Variants in SZT2 observed in about 807,000 individuals in gnomAD.
SZT2 encodes the protein SZT2 subunit of KICSTOR complex.
SZT2 carries 216 observed loss-of-function variants against 404.2 expected under a neutral mutation model. The observed-to-expected ratio is 0.53, with a 90% CI of 0.48 to 0.60. The LOEUF (loss-of-function observed/expected upper bound fraction) is 0.60. SZT2 is among the 20% of genes least tolerant of loss of function. SZT2 has a pLI of 0.00. For missense variants in SZT2, 3,857 were observed against 4,459.2 expected, an observed-to-expected ratio of 0.86 and a Z score of 3.85; for synonymous variants, 1,693 against 1,749.9, an observed-to-expected ratio of 0.97 and a Z score of 0.81.
chr1:43,453,063 T>C lies in SZT2; in HGVS notation c.*2583T>C. On this transcript the variant is annotated 3_prime_UTR_variant, in exon 72 of 72. Coordinates refer to ENST00000634258, the MANE Select transcript of SZT2 (RefSeq NM_001365999.1). Reference sequence around the variant, plus strand: ...CAGCTTTCTCTGATCCAGACAGGGTTAGGTGCCTACCCTGCTCCCACAGCT... The same window carrying C: ...CAGCTTTCTCTGATCCAGACAGGGTCAGGTGCCTACCCTGCTCCCACAGCT... The C allele has an allele frequency of 9.7e-7, 1 of 1,034,468 alleles. No individual in the cohort carries two copies. 64.1% of individuals were successfully genotyped at this position (1,034,468 alleles called of 1,614,324 possible).
chr1:43,442,854 G>A lies in SZT2; in HGVS notation c.8187G>A (p.Val2729=). The stretch of plus-strand genomic sequence containing the variant: ...CATTCCTGCTGCCGACCATGGAAGT[G>A]GAGACCCTCATCCGGAGTGCAAGTC... ...PNPFLLPTME[V]ETLIRSASPP... Residue 2729 remains valine (V), a synonymous_variant, in exon 59 of 72, where the codon GTG becomes GTA. Coordinates refer to ENST00000634258, the MANE Select transcript of SZT2 (RefSeq NM_001365999.1). This position sits in a 1 kb window ranked among gnomAD's most constrained non-coding sequence, Gnocchi z 4.5. 1.2e-6 allele frequency: 2 copies of A among 1,611,692 alleles called. No homozygotes were observed. Among genetic ancestry groups the A allele is most frequent in the Non-Finnish European group, 1.7e-6 (2 of 1,178,644 alleles).
rs748103588 is a variant in SZT2 at position 43,431,667 on chromosome 1, C to T, written c.5089-49C>T. ...CTTCTAGTCCGGGAGTAAGGGGATGCCCAAGGAAGCAAGGGAGATGCCCTT... is the reference window on the plus strand; with the variant it reads ...CTTCTAGTCCGGGAGTAAGGGGATGTCCAAGGAAGCAAGGGAGATGCCCTT... On this transcript the variant is annotated intron_variant, in intron 35 of 71. Coordinates refer to ENST00000634258, the MANE Select transcript of SZT2 (RefSeq NM_001365999.1). The T allele has an allele frequency of 4.4e-6, 7 of 1,605,854 alleles. No individual in the cohort carries two copies. The African/African-American group carries it at 9.4e-5, about 21-fold the overall frequency.
In SZT2 at chr1:43,450,517, G is replaced by C. The variant is rs1350080684; in HGVS notation, c.*37G>C. 1 of 1,612,122 alleles carries C rather than the reference G, an allele frequency of 6.2e-7. No individual in the cohort carries two copies. Among genetic ancestry groups the C allele is most frequent in the Non-Finnish European group, 8.5e-7 (1 of 1,178,870 alleles). On this transcript the variant is annotated 3_prime_UTR_variant, in exon 72 of 72. Transcript: ENST00000634258. The surrounding 1 kb of genome is among the most constrained non-coding windows in gnomAD (Gnocchi z 4.3). Reference sequence around the variant, plus strand: ...GGACCACTGAATGTCACTGTTCCTTGAATCATGGGCCTACCAGATTGCCTG... The same window carrying C: ...GGACCACTGAATGTCACTGTTCCTTCAATCATGGGCCTACCAGATTGCCTG...
At position 43,443,686 on chromosome 1, in the gene SZT2, G is replaced by A. The variant is rs1345421804; in HGVS notation, c.8715G>A (p.Glu2905=). ...ATGTGTCGCCCCCGGGAGCCCGTGA[G>A]GAGCCTTGGCTGAAGGAGCTGAGCT... is the stretch of plus-strand genomic sequence containing the variant. ...SLDVSPPGAR[E]EPWLKELSLA... The change falls in exon 62 of 72, where the codon GAG becomes GAA. Residue 2905 remains glutamate, a synonymous_variant. Coordinates refer to ENST00000634258, the MANE Select transcript of SZT2 (RefSeq NM_001365999.1). 1 of 1,614,228 alleles carries A rather than the reference G, an allele frequency of 6.2e-7. No individual in the cohort carries two copies.
rs1288282754 is a variant in SZT2 at position 43,447,768 on chromosome 1, G to A, written c.9440+70G>A. 27 of 1,610,640 alleles carry A rather than the reference G, an allele frequency of 1.7e-5. No individual in the cohort carries two copies. The Middle Eastern group carries it at 6.6e-4, about 39-fold the overall frequency. ...GGTTGGGACATACTTGCAGTAGGGA[G>A]ACCAATGTTTTCTTGGGCAGGGGTG... On this transcript the variant is annotated intron_variant, in intron 67 of 71. Coordinates refer to ENST00000634258, the MANE Select transcript of SZT2 (RefSeq NM_001365999.1).
chr1:43,416,260 G>A (rs1651708079), intron 6 of SZT2, among the ~76,000 whole-genome samples, 159 bp downstream of exon 6: 1 of 152,124 alleles, frequency 6.6e-6, no homozygotes, highest in African/African-American at 2.4e-5. Flanking sequence ...GTGTGTATCA[G>A]GAACCCTCGA....
Position 43,424,916 on chromosome 1 carries a change from G to A in SZT2, c.2550+54G>A. On this transcript the variant is annotated intron_variant, in intron 17 of 71. Coordinates refer to ENST00000634258, the MANE Select transcript of SZT2 (RefSeq NM_001365999.1). This position sits in a 1 kb window ranked among gnomAD's most constrained non-coding sequence, Gnocchi z 4.1. The stretch of plus-strand genomic sequence containing the variant: ...TGCCAAGGTCTGTCATAATCCCAGG[G>A]ACACTCACCTCTGAGCTGGGTTGGG... 1 of 1,577,762 alleles carries A rather than the reference G, an allele frequency of 6.3e-7. No individual in the cohort carries two copies. The highest frequency in any genetic ancestry group is 8.7e-7 in the Non-Finnish European group (1 of 1,147,560).
At chr1:43,408,966 AAG>A (rs1232455441) in intron 4 of SZT2, among the ~76,000 whole-genome samples, 1 of 152,142 alleles carries the variant, frequency 6.6e-6, no homozygotes, top group Admixed American at 6.6e-5. Flanking sequence ...GTGATGGGGA[AAG>A]AGGGGTGAGA....
At chr1:43,413,722 GTTAT>G (rs35533173) in intron 4 of SZT2, among the ~76,000 whole-genome samples, 48,721 of 151,848 alleles carry the variant, frequency 0.32, 8,747 homozygotes, top group Middle Eastern at 0.44. Flanking sequence ...AACTTGGCAT[GTTAT>G]TTATTTGTGA....
At chr1:43,403,404 C>A in intron 2 of SZT2, 102 bp downstream of exon 2, 3 of 1,495,942 alleles carry the variant, frequency 2.0e-6, no homozygotes, top group Non-Finnish European at 1.8e-6. Context: ...ACTCTTAAGT[C>A]TGGTTAGGGC....
At position 43,431,148 on chromosome 1, in the gene SZT2, A is replaced by C; in HGVS notation, c.4916+58A>C. The C allele has an allele frequency of 3.1e-6, 5 of 1,592,430 alleles. No homozygotes were observed. The South Asian group carries it at 5.7e-5, about 18-fold the overall frequency. On this transcript the variant is annotated intron_variant, in intron 33 of 71. Transcript: ENST00000634258. Reference sequence around the variant, plus strand: ...CCTTTTTAGGGTAGGGGGACCACTAAGCGAATCTAGAGCACTTGGGGACTA... The same window carrying C: ...CCTTTTTAGGGTAGGGGGACCACTACGCGAATCTAGAGCACTTGGGGACTA...
chr1:43,416,513 G>C, intron 6 of SZT2, 22 bp from the exon 7 acceptor site: 1 of 1,592,250 alleles, frequency 6.3e-7, no homozygotes, highest in African/African-American at 1.3e-5. Flanking sequence ...CTCCAGGTCT[G>C]ATCTGGTGTT....
intron 4 of SZT2, among the ~76,000 whole-genome samples, chr1:43,407,516 C>CAA (rs34259315): frequency 7.3e-6 from 1 of 137,590 alleles, no homozygotes; most frequent in Non-Finnish European, 1.6e-5. Context: ...ACTCTGTCTC[C>CAA]AAAAAAAAAA....
chr1:43,444,840 G>A (rs1027138067), intron 62 of SZT2, among the ~76,000 whole-genome samples: 2 of 152,126 alleles, frequency 1.3e-5, no homozygotes, highest in African/African-American at 4.8e-5. Flanking sequence ...CTCCAGATTT[G>A]TGAGTTTATC....
At chr1:43,416,698 A>T in intron 7 of SZT2, 57 bp downstream of exon 7, 7 of 1,361,724 alleles carry the variant, frequency 5.1e-6, no homozygotes, top group African/African-American at 1.4e-5. Context: ...CAAAGTTGGG[A>T]TGGCTGATTA....
Position 43,416,270 on chromosome 1 carries a change from A to G in SZT2, c.772+169A>G, listed in dbSNP as rs1999674. On this transcript the variant is annotated intron_variant, in intron 6 of 71. Transcript: ENST00000634258. Reference sequence around the variant, plus strand: ...TATTAGTGTGTATCAGGAACCCTCGACTCTGACAACCATCAGAGACCCTAG... The same window carrying G: ...TATTAGTGTGTATCAGGAACCCTCGGCTCTGACAACCATCAGAGACCCTAG... 0.65 allele frequency among the ~76,000 whole-genome samples: 98,840 copies of G among 151,896 alleles called. 32,319 individuals carry two copies. The highest frequency in any genetic ancestry group is 0.68 in the African/African-American group (28,248 of 41,424).
At chr1:43,392,941 C>T (rs1023192547) in intron 1 of SZT2, among the ~76,000 whole-genome samples, 8 of 152,152 alleles carry the variant, frequency 5.3e-5, no homozygotes, top group African/African-American at 1.9e-4. Context: ...TGCTAAGTAT[C>T]AGGGTGGATA....
At chr1:43,399,753 G>T (rs375011048) in intron 1 of SZT2, among the ~76,000 whole-genome samples, 1 of 151,748 alleles carries the variant, frequency 6.6e-6, no homozygotes, top group Non-Finnish European at 1.5e-5. Flanking sequence ...GAGCCATGGT[G>T]CCCGGCCACC....
Position 43,452,200 on chromosome 1 carries a change from C to T in SZT2, c.*1720C>T, listed in dbSNP as rs763007012. ...TAAGTACGTGTGTGTTTCCACCTTT[C>T]TCACCTGAGCCAAAACCCCAGCTGC... On this transcript the variant is annotated 3_prime_UTR_variant, in exon 72 of 72. Coordinates refer to ENST00000634258, the MANE Select transcript of SZT2 (RefSeq NM_001365999.1). 64 of 1,609,210 alleles carry T rather than the reference C, an allele frequency of 4.0e-5. 1 individual carries two copies. Among genetic ancestry groups the T allele is most frequent in the Admixed American group, 2.5e-4 (15 of 59,626 alleles).
Sources: gnomAD v4.1 joint callset for allele counts (sites outside exome capture counted in the v4.1 genomes callset) on GRCh38, gnomAD v4.1.1 for gene constraint, Gnocchi (gnomAD v3.1) non-coding constraint, MANE v1.5 for transcripts, NCBI Gene and HGNC (gene_info 2026-07-23, HGNC 2026-07-21) for gene names.